SFMBT1: variants seen among roughly 807,000 people sequenced by gnomAD.
SFMBT1 encodes Scm like with four mbt domains 1.
Under a neutral mutation model 108.7 loss-of-function variants are expected in SFMBT1, and 32 were observed. The observed-to-expected ratio is 0.29, with a 90% CI of 0.22 to 0.40. The LOEUF is 0.40. SFMBT1 is among the 10% of genes least tolerant of loss of function. The pLI, the probability that SFMBT1 is intolerant of heterozygous loss-of-function variation, is 1.00. For synonymous variants in SFMBT1, 348 were observed against 369.5 expected (o/e 0.94, Z 0.67); for missense variants, 816 against 1,059.6 (o/e 0.77, Z 3.19).
At chr3:53,040,001 G>C (rs947106883) in intron 1 of SFMBT1, among the ~76,000 whole-genome samples, 3 of 152,052 alleles carry the variant, frequency 2.0e-5, no homozygotes, top group African/African-American at 7.2e-5. Flanking sequence ...ATTTTATGAC[G>C]CAAGTCAAAA....
chr3:53,041,523 C>G (rs761394015), intron 1 of SFMBT1, among the ~76,000 whole-genome samples: 1 of 151,930 alleles, frequency 6.6e-6, no homozygotes, highest in African/African-American at 2.4e-5. Context: ...CATGGTGAAA[C>G]CCCATCTTTA....
chr3:52,968,783 C>T (rs1221825038), intron 2 of SFMBT1, among the ~76,000 whole-genome samples: 1 of 151,930 alleles, frequency 6.6e-6, no homozygotes, highest in Non-Finnish European at 1.5e-5. Context: ...TTAGTAGAGA[C>T]GGGGTTTCAC....
intron 2 of SFMBT1, among the ~76,000 whole-genome samples, chr3:52,964,768 C>CA (rs1357028831): frequency 6.6e-5 from 10 of 152,274 alleles, no homozygotes; most frequent in African/African-American, 1.9e-4. Context: ...ATCAAAGGTA[C>CA]ATGACGTCAC....
chr3:52,909,626 A>G (rs1055351483), intron 17 of SFMBT1, among the ~76,000 whole-genome samples: 6 of 152,214 alleles, frequency 3.9e-5, no homozygotes, highest in Admixed American at 1.3e-4. Flanking sequence ...AGTGATCTGC[A>G]TGCACTATAG....
At chr3:52,923,684 A>C (rs1344683756) in intron 10 of SFMBT1, among the ~76,000 whole-genome samples, 6 of 152,186 alleles carry the variant, frequency 3.9e-5, no homozygotes, top group Non-Finnish European at 8.8e-5. Context: ...GAAATCTTCC[A>C]GAAAATAAAG....
intron 1 of SFMBT1, among the ~76,000 whole-genome samples, chr3:53,001,418 A>G (rs1162925366): frequency 6.7e-6 from 1 of 149,456 alleles, no homozygotes; most frequent in East Asian, 2.0e-4. Context: ...ACAGAGTGAG[A>G]CTCCAACTCT....
At chr3:52,986,235 TGA>T (rs1316765738) in intron 1 of SFMBT1, among the ~76,000 whole-genome samples, 7 of 151,714 alleles carry the variant, frequency 4.6e-5, no homozygotes. Context: ...TTGTTCTGGG[TGA>T]GTCAGTCAGT....
intron 3 of SFMBT1, among the ~76,000 whole-genome samples, chr3:52,951,116 T>TAAAA (rs60541061): frequency 0.72 from 58,141 of 80,866 alleles, 19,783 homozygotes; most frequent in Non-Finnish European, 0.77. Flanking sequence ...ACTCTTATCT[T>TAAAA]AAAAAAAAAA....
At chr3:53,006,868 A>G (rs1350625937) in intron 1 of SFMBT1, among the ~76,000 whole-genome samples, 2 of 152,196 alleles carry the variant, frequency 1.3e-5, no homozygotes, top group African/African-American at 2.4e-5. Flanking sequence ...AACATTTGCT[A>G]TATTTCACAA....
intron 1 of SFMBT1, among the ~76,000 whole-genome samples, chr3:52,976,336 T>C (rs1220396743): frequency 6.6e-6 from 1 of 152,200 alleles, no homozygotes; most frequent in Non-Finnish European, 1.5e-5. Context: ...TAGATCAATT[T>C]TTATGAGAGT....
chr3:52,926,091 G>A lies in SFMBT1; in HGVS notation c.1071C>T (p.Asp357=), dbSNP rs144071796. Reference sequence around the variant, plus strand: ...CACACTGTTTGAGGTAGTCAGCCCAGTCAAAGTCCTGGCTTGGGTAGCCTA... The same window carrying A: ...CACACTGTTTGAGGTAGTCAGCCCAATCAAAGTCCTGGCTTGGGTAGCCTA... ...PPPGYPSQDF[D]WADYLKQCGA... Residue 357 remains aspartate (D), a synonymous_variant, in exon 10 of 21, where the codon GAC becomes GAT. Transcript: ENST00000394752. 1.9e-6 allele frequency: 3 copies of A among 1,603,774 alleles called. No homozygotes were observed. In the African/African-American group the frequency reaches 4.1e-5, roughly 22 times the overall value.
At chr3:52,941,869 A>G (rs1299796778) in intron 4 of SFMBT1, among the ~76,000 whole-genome samples, 1 of 152,192 alleles carries the variant, frequency 6.6e-6, no homozygotes, top group Non-Finnish European at 1.5e-5. Context: ...ACTGCACTCC[A>G]GCCTGGCTGA....
At chr3:52,968,582 G>A (rs1704226233) in intron 2 of SFMBT1, among the ~76,000 whole-genome samples, 1 of 149,214 alleles carries the variant, frequency 6.7e-6, no homozygotes, top group African/African-American at 2.5e-5. Context: ...TAAAAAAGAA[G>A]TCTGTTCAAA....
intron 1 of SFMBT1, among the ~76,000 whole-genome samples, chr3:52,977,576 T>C (rs1704560516): frequency 6.6e-6 from 1 of 151,964 alleles, no homozygotes; most frequent in Non-Finnish European, 1.5e-5. Context: ...TAATGGCACA[T>C]CCACAAGATG....
chr3:52,978,780 A>T (rs2106874655), intron 1 of SFMBT1, among the ~76,000 whole-genome samples: 1 of 152,378 alleles, frequency 6.6e-6, no homozygotes, highest in East Asian at 1.9e-4. Context: ...ATTCAGCCAT[A>T]AAAAGAAATG....
At chr3:53,041,022 T>C (rs575853718) in intron 1 of SFMBT1, among the ~76,000 whole-genome samples, 115 of 131,672 alleles carry the variant, frequency 8.7e-4, no homozygotes, top group African/African-American at 3.2e-3. Context: ...AGGGCTTCCC[T>C]ATGTTGTCCA....
At chr3:52,978,654 C>G (rs542197476) in intron 1 of SFMBT1, among the ~76,000 whole-genome samples, 1 of 152,178 alleles carries the variant, frequency 6.6e-6, no homozygotes, top group African/African-American at 2.4e-5. Flanking sequence ...CAAACATAAA[C>G]TTGTTCATGA....
rs200429428 is a variant in SFMBT1 at position 52,991,750 on chromosome 3, CT to C, written c.-130-22493del. Among the ~76,000 whole-genome samples the C allele has an allele frequency of 0.012, 1,801 of 152,228 alleles. 115 individuals are homozygous for C. In the South Asian group the frequency reaches 0.17, roughly 14 times the overall value. Reference sequence around the variant, plus strand: ...AGAAGCTTCTGAGAGCTGCCTGCCCCTTCTTGCTTTCACATTCCCTTCCACC... The same window carrying C: ...AGAAGCTTCTGAGAGCTGCCTGCCCCTCTTGCTTTCACATTCCCTTCCACC... On this transcript the variant is annotated intron_variant, in intron 1 of 20. Coordinates refer to ENST00000394752, the MANE Select transcript of SFMBT1 (RefSeq NM_016329.4).
chr3:52,954,302 A>T lies in SFMBT1; in HGVS notation c.123+15T>A. The stretch of plus-strand genomic sequence containing the variant: ...GGGATATAACACCAGTAAGGCAAAT[A>T]TAGTTATTGCTTACATGTTTAAAAG... On this transcript the variant is annotated intron_variant, in intron 3 of 20. Coordinates refer to ENST00000394752, the MANE Select transcript of SFMBT1 (RefSeq NM_016329.4). The T allele has an allele frequency of 6.4e-7, 1 of 1,573,982 alleles. No homozygotes were observed. Among genetic ancestry groups the T allele is most frequent in the Non-Finnish European group, 8.7e-7 (1 of 1,147,006 alleles).
Sources: gnomAD v4.1 joint callset for allele counts (sites outside exome capture counted in the v4.1 genomes callset) on GRCh38, gnomAD v4.1.1 for gene constraint, MANE v1.5 for transcripts, NCBI Gene and HGNC (gene_info 2026-07-23, HGNC 2026-07-21) for gene names.